The following ABCC11 variants were observed in gnomAD, a reference collection of about 807,000 sequenced individuals.
ABCC11 encodes ATP-binding cassette sub-family C member 11.
A neutral mutation model predicts 149.3 loss-of-function variants in ABCC11; 135 were observed. The observed-to-expected ratio is 0.90, with a 90% CI of 0.79 to 1.04. The LOEUF (loss-of-function observed/expected upper bound fraction) is 1.04. Among genes scored for constraint, ABCC11 ranks in the 50% least tolerant of loss-of-function variants. ABCC11 has a pLI of 0.00. For synonymous variants in ABCC11, 665 were observed against 671.4 expected (o/e 0.99, Z 0.15); for missense variants, 1,680 against 1,722.1 (o/e 0.98, Z 0.43).
chr16:48,203,268 T>C lies in ABCC11; in HGVS notation c.1838A>G (p.Asn613Ser), dbSNP rs1968156383. ...YLQVLHCCSL[N>S]RDLELLPFGD... The stretch of plus-strand genomic sequence containing the variant: ...AAAGGGCAGAAGTTCCAGGTCCCGA[T>C]TCAGGGAGCAGCAGTGGAGCACCTG... The change falls in exon 14 of 30, where the codon AAT (asparagine) becomes AGT (serine). Residue 613 changes from asparagine (N) to serine (S), a missense_variant. By Grantham distance (46) the Asn-to-Ser change is conservative. Transcript: ENST00000356608. 6.3e-7 allele frequency: 1 copy of C among 1,584,418 alleles called. No homozygotes were observed. The highest frequency in any genetic ancestry group is 2.3e-5 in the East Asian group (1 of 43,878).
At chr16:48,228,941 T>C (rs759338577) in intron 3 of ABCC11, among the ~76,000 whole-genome samples, 2 of 152,130 alleles carry the variant, frequency 1.3e-5, no homozygotes, top group Non-Finnish European at 2.9e-5. Flanking sequence ...GTTTATGTGT[T>C]TCAATGGGAA....
At chr16:48,244,886 T>C (rs943548674) in intron 1 of ABCC11, among the ~76,000 whole-genome samples, 1 of 152,210 alleles carries the variant, frequency 6.6e-6, no homozygotes, top group Non-Finnish European at 1.5e-5. Flanking sequence ...ATTTGAATCC[T>C]CTTCCCCCTC....
intron 22 of ABCC11, among the ~76,000 whole-genome samples, chr16:48,186,137 T>C (rs1305576250): frequency 6.6e-6 from 1 of 152,200 alleles, no homozygotes; most frequent in East Asian, 1.9e-4. Flanking sequence ...GAGTGGTCTA[T>C]AATGCCACTG....
intron 9 of ABCC11, 40 bp from the exon 10 acceptor site, chr16:48,213,590 T>TCACCACC: frequency 6.6e-7 from 1 of 1,510,326 alleles, no homozygotes; most frequent in Admixed American, 2.0e-5. Flanking sequence ...GTCGTGGCCC[T>TCACCACC]TCCTGCTTCC....
At chr16:48,215,467 C>G in intron 7 of ABCC11, 123 bp from the exon 8 acceptor site, 1 of 1,164,714 alleles carries the variant, frequency 8.6e-7, no homozygotes, top group Non-Finnish European at 1.2e-6. Flanking sequence ...GTTTTCCAAT[C>G]AAAGCTCTCC....
At chr16:48,224,219 C>T (rs1474402870) in intron 5 of ABCC11, 63 bp downstream of exon 5, 2 of 1,549,536 alleles carry the variant, frequency 1.3e-6, no homozygotes, top group African/African-American at 2.7e-5. Context: ...AACATGCCCG[C>T]AGTTCCATCG....
At chr16:48,184,777 C>G in intron 22 of ABCC11, 151 bp from the exon 23 acceptor site, 1 of 777,818 alleles carries the variant, frequency 1.3e-6, no homozygotes, top group Non-Finnish European at 2.0e-6. Flanking sequence ...CTCCCTACCC[C>G]TTTCTCAGCC....
At chr16:48,178,718 A>G in intron 23 of ABCC11, 32 bp from the exon 24 acceptor site, 2 of 1,600,406 alleles carry the variant, frequency 1.2e-6, no homozygotes, top group Non-Finnish European at 1.7e-6. Flanking sequence ...GGGGGTCAAG[A>G]GGCTGCTGGG....
Position 48,222,833 on chromosome 16 carries a change from T to G in ABCC11, c.544-2A>C. ...CAGGATCTTTGGTATAATCAATATC[T>G]ACAAGGAAATGGGAGTTTGGATCAT... On this transcript the variant is annotated splice_acceptor_variant, in intron 5 of 29. Coordinates refer to ENST00000356608, the MANE Select transcript of ABCC11 (RefSeq NM_001370497.1). LOFTEE classifies it high-confidence loss of function. 2 of 1,607,480 alleles carry G rather than the reference T, an allele frequency of 1.2e-6. No individual in the cohort carries two copies. The highest frequency in any genetic ancestry group is 1.7e-6 in the Non-Finnish European group (2 of 1,174,142).
intron 4 of ABCC11, among the ~76,000 whole-genome samples, chr16:48,225,962 A>C (rs1301127534): frequency 6.6e-6 from 1 of 152,246 alleles, no homozygotes; most frequent in Non-Finnish European, 1.5e-5. Context: ...GAACTGGAAG[A>C]GAATGGAAAG....
At position 48,227,953 on chromosome 16, in the gene ABCC11, G is replaced by C; in HGVS notation, c.248C>G (p.Pro83Arg). 1 of 1,612,184 alleles carries C rather than the reference G, an allele frequency of 6.2e-7. No individual in the cohort carries two copies. The highest frequency in any genetic ancestry group is 8.5e-7 in the Non-Finnish European group (1 of 1,179,036). ...PFRPKPRFPA[P>R]QPLDNAGLFS... ...CAGGCCAGCATTGTCCAGGGGCTGG[G>C]GGGCAGGAAACCTAGTAGAGGGGCC... The change falls in exon 4 of 30, where the codon CCC becomes CGC. Residue 83 changes from proline (P) to arginine (R), a missense_variant. Transcript: ENST00000356608.
At chr16:48,207,018 C>T (rs567220199) in intron 12 of ABCC11, among the ~76,000 whole-genome samples, 5 of 152,184 alleles carry the variant, frequency 3.3e-5, no homozygotes, top group South Asian at 4.1e-4. Flanking sequence ...ACATGCAGCA[C>T]GTGGCTGATG....
rs1160841839 is a variant in ABCC11, at chr16:48,167,232, T to A, written c.*42A>T. 1 of 770,510 alleles carries A rather than the reference T, an allele frequency of 1.3e-6. No homozygotes were observed. The highest frequency in any genetic ancestry group is 1.7e-5 in the Admixed American group (1 of 58,006). 47.7% of individuals were successfully genotyped at this position (770,510 alleles called of 1,614,324 possible). ...CCTCGAAGCTGCACCTGTGTGAACCTCTGAGCTCAGCTGCCAGCCTCCATG... is the reference window on the plus strand; with the variant it reads ...CCTCGAAGCTGCACCTGTGTGAACCACTGAGCTCAGCTGCCAGCCTCCATG... On this transcript the variant is annotated 3_prime_UTR_variant, in exon 30 of 30. Transcript: ENST00000356608.
Position 48,175,255 on chromosome 16 carries a change from C to T in ABCC11, c.3698+3G>A, listed in dbSNP as rs1965973582. On this transcript the variant is annotated splice_donor_region_variant and intron_variant, in intron 26 of 29. Coordinates refer to ENST00000356608, the MANE Select transcript of ABCC11 (RefSeq NM_001370497.1). ...GCAGGCTGCCTGCTGGCCCGGCACT[C>T]ACCTGATGGTTCCTGAGAGCAGCAC... The T allele has an allele frequency of 6.2e-7, 1 of 1,606,510 alleles. No homozygotes were observed. Among genetic ancestry groups the T allele is most frequent in the Non-Finnish European group, 8.5e-7 (1 of 1,173,798 alleles).
intron 26 of ABCC11, among the ~76,000 whole-genome samples, chr16:48,173,613 G>T (rs1392561153): frequency 1.3e-5 from 2 of 151,872 alleles, no homozygotes; most frequent in African/African-American, 4.8e-5. Flanking sequence ...CCATTTTTTT[G>T]TTGTTTTGTG....
chr16:48,221,614 G>A (rs527529727), intron 6 of ABCC11, among the ~76,000 whole-genome samples: 6 of 152,202 alleles, frequency 3.9e-5, no homozygotes, highest in Non-Finnish European at 8.8e-5. Context: ...TCACCCTCAG[G>A]TTGGCTTAGG....
rs762581914 is a variant in ABCC11 at position 48,227,983 on chromosome 16, G to A, written c.237-19C>T. ...AGGAAACCTAGTAGAGGGGCCACAA[G>A]GATAAGAATGAATTCAGGATCAAGA... On this transcript the variant is annotated intron_variant, in intron 3 of 29. Coordinates refer to ENST00000356608, the MANE Select transcript of ABCC11 (RefSeq NM_001370497.1). 20 of 1,590,720 alleles carry A rather than the reference G, an allele frequency of 1.3e-5. No homozygotes were observed. Among genetic ancestry groups the A allele is most frequent in the Non-Finnish European group, 8.6e-6 (10 of 1,167,300 alleles).
intron 1 of ABCC11, among the ~76,000 whole-genome samples, chr16:48,237,798 G>A (rs1970761231): frequency 6.6e-6 from 1 of 152,052 alleles, no homozygotes; most frequent in African/African-American, 2.4e-5. Flanking sequence ...CTAGCCACAG[G>A]GTCTTTGCAA....
At chr16:48,244,585 C>T in intron 1 of ABCC11, 1 of 1,495,748 alleles carries the variant, frequency 6.7e-7, no homozygotes, top group Non-Finnish European at 8.9e-7. Flanking sequence ...ACGCCTGACC[C>T]CGCCAGCGAC....
Sources: gnomAD v4.1 joint callset for allele counts (sites outside exome capture counted in the v4.1 genomes callset) on GRCh38, gnomAD v4.1.1 for gene constraint, MANE v1.5 for transcripts, NCBI Gene and HGNC (gene_info 2026-07-23, HGNC 2026-07-21) for gene names.